OTUD6B: variants seen among roughly 807,000 people sequenced by gnomAD.
OTUD6B encodes the protein deubiquitinase OTUD6B.
OTUD6B carries 41 observed loss-of-function variants against 36.9 expected under a neutral mutation model. That is an observed-to-expected ratio of 1.11 (90% CI 0.87 to 1.44). The LOEUF is 1.44. Among genes scored for constraint, OTUD6B ranks in the 40% most tolerant of loss-of-function variants. The pLI, the probability that OTUD6B is intolerant of heterozygous loss-of-function variation, is 0.00. For synonymous variants in OTUD6B, 114 were observed against 114.2 expected (o/e 1.00, Z 0.01); for missense variants, 356 against 344.8 (o/e 1.03, Z -0.26).
At chr8:91,074,047 C>T in intron 3 of OTUD6B, 136 bp downstream of exon 3, 1 of 532,396 alleles carries the variant, frequency 1.9e-6, no homozygotes, top group Non-Finnish European at 3.4e-6. Context: ...CTTGAACTAA[C>T]ATTTATTAAG....
chr8:91,082,993 G>A (rs1342381349), intron 5 of OTUD6B, among the ~76,000 whole-genome samples: 1 of 151,858 alleles, frequency 6.6e-6, no homozygotes, highest in Non-Finnish European at 1.5e-5. Context: ...ATGGGTGTGA[G>A]CCACTGTGCC....
chr8:91,070,919 C>G (rs1812681753), intron 1 of OTUD6B: 2 of 458,616 alleles, frequency 4.4e-6, no homozygotes, highest in Non-Finnish European at 5.7e-6. Flanking sequence ...GCCAAACAAC[C>G]GAAACATATT....
intron 3 of OTUD6B, 46 bp downstream of exon 3, chr8:91,073,957 C>T (rs1222364740): frequency 4.8e-6 from 6 of 1,259,332 alleles, no homozygotes; most frequent in African/African-American, 1.5e-5. Context: ...GCTGTGTGTT[C>T]AATACTATCT....
chr8:91,073,748 T>C, intron 2 of OTUD6B, 83 bp from the exon 3 acceptor site: 1 of 1,420,700 alleles, frequency 7.0e-7, no homozygotes, highest in East Asian at 2.6e-5. Flanking sequence ...TTACTCAAAT[T>C]TGAAATGTGG....
chr8:91,080,186 C>A (rs1450008299), intron 4 of OTUD6B, among the ~76,000 whole-genome samples: 2 of 152,150 alleles, frequency 1.3e-5, no homozygotes, highest in Non-Finnish European at 2.9e-5. Flanking sequence ...TTGACGCTAT[C>A]TCTGGGGAAG....
At chr8:91,073,579 C>G (rs1812745025) in intron 2 of OTUD6B, 1 of 166,312 alleles carries the variant, frequency 6.0e-6, no homozygotes, top group East Asian at 1.9e-4. Context: ...AAGTACAGTA[C>G]TGCATTTAGA....
At chr8:91,079,684 C>T (rs1812863298) in intron 4 of OTUD6B, among the ~76,000 whole-genome samples, 1 of 151,564 alleles carries the variant, frequency 6.6e-6, no homozygotes, top group Admixed American at 6.6e-5. Flanking sequence ...TATGCATAGG[C>T]AATGTGATAA....
chr8:91,075,960 GTATTT>G (rs1774152972), intron 3 of OTUD6B, among the ~76,000 whole-genome samples: 1 of 152,062 alleles, frequency 6.6e-6, no homozygotes, highest in Non-Finnish European at 1.5e-5. Context: ...TAGAAAAACA[GTATTT>G]TATTCAAAGA....
intron 4 of OTUD6B, 65 bp downstream of exon 4, chr8:91,078,733 T>C (rs1017310499): frequency 1.5e-5 from 17 of 1,101,508 alleles, no homozygotes; most frequent in Non-Finnish European, 1.9e-5. Context: ...AATAAGGTGC[T>C]TCCCAGCACT....
At chr8:91,080,491 G>A in intron 4 of OTUD6B, 178 bp from the exon 5 acceptor site, 1 of 813,140 alleles carries the variant, frequency 1.2e-6, no homozygotes, top group Non-Finnish European at 1.5e-6. Context: ...GTGGTAGAAA[G>A]TTGGGGTGAA....
Position 91,086,521 on chromosome 8 carries a change from T to A in OTUD6B, c.*1653T>A, listed in dbSNP as rs1813018407. 1 of 152,118 alleles carries A rather than the reference T, an allele frequency of 6.6e-6. No homozygotes were observed. The highest frequency in any genetic ancestry group is 1.5e-5 in the Non-Finnish European group (1 of 67,972). The allele number at this position is 152,118 out of a possible 1,614,324, so 9.4% of individuals were successfully genotyped here. On this transcript the variant is annotated 3_prime_UTR_variant, in exon 7 of 7. Transcript: ENST00000404789. ...GCTTTGGGTTTATTTTGAAGTAATC[T>A]GTTACTTTAAAATGTCAACATTAGG...
At chr8:91,073,018 C>T (rs1456719267) in intron 2 of OTUD6B, among the ~76,000 whole-genome samples, 1 of 152,160 alleles carries the variant, frequency 6.6e-6, no homozygotes, top group Non-Finnish European at 1.5e-5. Context: ...TAACAGCTTC[C>T]TCTGAAGAAT....
At chr8:91,076,198 A>G (rs962587968) in intron 3 of OTUD6B, among the ~76,000 whole-genome samples, 4 of 152,098 alleles carry the variant, frequency 2.6e-5, no homozygotes, top group African/African-American at 9.7e-5. Context: ...CTTCTTTGTT[A>G]TATTACTATA....
rs1812997451 is a variant in OTUD6B, at chr8:91,085,467, A to T, written c.*599A>T. 1 of 151,868 alleles carries T rather than the reference A, an allele frequency of 6.6e-6. No individual in the cohort carries two copies. 9.4% of individuals were successfully genotyped at this position (151,868 alleles called of 1,614,324 possible). ...ATTTAAAAATATTTATTTAGATGGG[A>T]TTCAGTTGTTTAAAGAAGTGAGATA... On this transcript the variant is annotated 3_prime_UTR_variant, in exon 7 of 7. Coordinates refer to ENST00000404789, the MANE Select transcript of OTUD6B (RefSeq NM_016023.5).
intron 3 of OTUD6B, among the ~76,000 whole-genome samples, chr8:91,075,720 C>T (rs1412674483): frequency 2.6e-5 from 4 of 151,946 alleles, no homozygotes; most frequent in South Asian, 2.1e-4. Context: ...AAACATTAAA[C>T]GTTTATAATG....
chr8:91,084,763 T>C (rs568296851), intron 6 of OTUD6B, 21 bp from the exon 7 acceptor site: 64 of 1,470,922 alleles, frequency 4.4e-5, no homozygotes, highest in Non-Finnish European at 5.5e-5. Context: ...ACTACTCATT[T>C]CTTTTTTTTT....
chr8:91,080,427 C>A (rs961909601), intron 4 of OTUD6B: 2 of 327,558 alleles, frequency 6.1e-6, no homozygotes, highest in Non-Finnish European at 8.7e-6. Flanking sequence ...GGTATCTGGG[C>A]CTCCAACAGA....
rs771325162 is a variant in OTUD6B at position 91,073,838 on chromosome 8, C to T, written c.242C>T (p.Ser81Phe). ...GCTTTTTGTTTCCTTCAGATAGATTCTGTTGCTGTTAACATTTCAAACTTG... is the reference window on the plus strand; with the variant it reads ...GCTTTTTGTTTCCTTCAGATAGATTTTGTTGCTGTTAACATTTCAAACTTG... Reference protein sequence around the residue: ...KLTTKENKIDSVAVNISNLVL... With the variant: ...KLTTKENKIDFVAVNISNLVL... Residue 81 changes from serine to phenylalanine, a missense_variant, in exon 3 of 7, where the codon TCT becomes TTT. Coordinates refer to ENST00000404789, the MANE Select transcript of OTUD6B (RefSeq NM_016023.5). The T allele has an allele frequency of 9.5e-6, 15 of 1,582,296 alleles. No individual in the cohort carries two copies. In the South Asian group the frequency reaches 1.7e-4, roughly 18 times the overall value.
chr8:91,084,826 G>A lies in OTUD6B; in HGVS notation c.840G>A (p.Ser280=), dbSNP rs765401748. Residue 280 remains serine (S), a synonymous_variant, in exon 7 of 7, where the codon TCG becomes TCA. Transcript: ENST00000404789. Reference sequence around the variant, plus strand: ...ATGGCTTAGGAGAACATTATAATTCGGTTACACGGTTGGTAAACATAGTTA... The same window carrying A: ...ATGGCTTAGGAGAACATTATAATTCAGTTACACGGTTGGTAAACATAGTTA... ...HAYGLGEHYN[S]VTRLVNIVTE... 3.7e-5 allele frequency: 59 copies of A among 1,578,388 alleles called. No homozygotes were observed. In the East Asian group the frequency reaches 1.3e-3, roughly 34 times the overall value.
Sources: allele counts gnomAD v4.1 joint callset (sites outside exome capture counted in the v4.1 genomes callset), GRCh38; gene constraint gnomAD v4.1.1; transcripts MANE v1.5; gene names NCBI Gene and HGNC (gene_info 2026-07-23, HGNC 2026-07-21).